The following SYNPO2 variants were observed in gnomAD, a reference collection of about 807,000 sequenced individuals.
SYNPO2 encodes synaptopodin-2.
Under a neutral mutation model 85.0 loss-of-function variants are expected in SYNPO2, and 56 were observed. The observed-to-expected ratio is 0.66, with a 90% CI of 0.53 to 0.82. SYNPO2 has a LOEUF of 0.82. SYNPO2 is among the 40% of genes least tolerant of loss of function. SYNPO2 has a pLI of 0.00. For missense variants in SYNPO2, 1,575 were observed against 1,534.2 expected (o/e 1.03, Z -0.44); for synonymous variants, 602 against 591.1 (o/e 1.02, Z -0.27).
intron 1 of SYNPO2, among the ~76,000 whole-genome samples, chr4:118,869,748 A>C (rs1731769302): frequency 6.6e-6 from 1 of 152,226 alleles, no homozygotes; most frequent in Non-Finnish European, 1.5e-5. Flanking sequence ...ATTTGTCAGC[A>C]AATATTTTTG....
intron 1 of SYNPO2, among the ~76,000 whole-genome samples, chr4:118,958,138 T>C (rs1232033981): frequency 1.3e-5 from 2 of 151,796 alleles, no homozygotes; most frequent in African/African-American, 2.4e-5. Context: ...GGGACTTTAC[T>C]CTTAGCATTT....
At chr4:118,876,717 CTT>C (rs763295712) in intron 1 of SYNPO2, among the ~76,000 whole-genome samples, 1 of 119,606 alleles carries the variant, frequency 8.4e-6, no homozygotes, top group African/African-American at 3.1e-5. Flanking sequence ...TTCTTTCTTT[CTT>C]TCTTTCTTTC....
At chr4:119,036,799 T>C (rs1436266038) in intron 4 of SYNPO2, 1 of 1,013,288 alleles carries the variant, frequency 9.9e-7, no homozygotes, top group African/African-American at 1.7e-5. Context: ...TACCTGGCAC[T>C]TGGAAATCAC....
At chr4:119,012,643 G>C (rs1737366324) in intron 1 of SYNPO2, among the ~76,000 whole-genome samples, 1 of 152,082 alleles carries the variant, frequency 6.6e-6, no homozygotes, top group Non-Finnish European at 1.5e-5. Context: ...GTGAGAACAT[G>C]TGGTTTTGGT....
chr4:119,032,290 T>C, intron 4 of SYNPO2: 2 of 1,377,370 alleles, frequency 1.5e-6, no homozygotes, highest in Non-Finnish European at 1.9e-6. Flanking sequence ...CACCCCAAAA[T>C]AGACATGTAC....
intron 1 of SYNPO2, among the ~76,000 whole-genome samples, chr4:119,005,151 C>T (rs531042441): frequency 1.4e-4 from 21 of 152,210 alleles, no homozygotes; most frequent in African/African-American, 3.1e-4. Flanking sequence ...GAGTAGATTG[C>T]GAAAATTTTC....
chr4:119,033,736 G>C, intron 4 of SYNPO2: 1 of 984,834 alleles, frequency 1.0e-6, no homozygotes, highest in Non-Finnish European at 1.2e-6. Context: ...TCCTTTATCT[G>C]TTCAATGTCC....
chr4:118,965,739 T>C (rs1462167755), intron 1 of SYNPO2, among the ~76,000 whole-genome samples: 1 of 152,088 alleles, frequency 6.6e-6, no homozygotes, highest in Admixed American at 6.5e-5. Flanking sequence ...ATGGCACAGG[T>C]CCTGTCCTCA....
At chr4:118,921,493 A>C (rs1332895510) in intron 1 of SYNPO2, among the ~76,000 whole-genome samples, 2 of 152,026 alleles carry the variant, frequency 1.3e-5, no homozygotes, top group Admixed American at 1.3e-4. Flanking sequence ...TGTGCCTATA[A>C]TTTTATCTAC....
At chr4:118,917,874 A>T (rs1396449883) in intron 1 of SYNPO2, among the ~76,000 whole-genome samples, 6 of 152,220 alleles carry the variant, frequency 3.9e-5, no homozygotes, top group African/African-American at 1.2e-4. Context: ...ATGTAAGGAG[A>T]ATAACATGAT....
At chr4:118,891,566 T>C (rs1348608404) in intron 1 of SYNPO2, among the ~76,000 whole-genome samples, 1 of 152,270 alleles carries the variant, frequency 6.6e-6, no homozygotes, top group Non-Finnish European at 1.5e-5. Context: ...TATCACTTTC[T>C]CTGTTATCAA....
At chr4:118,975,796 T>C (rs1022065433) in intron 1 of SYNPO2, among the ~76,000 whole-genome samples, 2 of 152,166 alleles carry the variant, frequency 1.3e-5, no homozygotes, top group Non-Finnish European at 2.9e-5. Flanking sequence ...GGGCTAAGAA[T>C]ATGTGCTCCA....
intron 1 of SYNPO2, among the ~76,000 whole-genome samples, chr4:118,897,380 A>G (rs958388488): frequency 4.6e-5 from 7 of 152,146 alleles, no homozygotes; most frequent in Non-Finnish European, 7.4e-5. Context: ...AACCATATCA[A>G]TATTTTATGT....
intron 1 of SYNPO2, among the ~76,000 whole-genome samples, chr4:118,879,354 C>G (rs186784002): frequency 1.9e-4 from 29 of 152,230 alleles, no homozygotes; most frequent in Admixed American, 4.6e-4. Flanking sequence ...TTTTGTCTCC[C>G]CTGAAATTCA....
At chr4:118,936,246 C>T (rs1327499191) in intron 1 of SYNPO2, among the ~76,000 whole-genome samples, 1 of 152,090 alleles carries the variant, frequency 6.6e-6, no homozygotes, top group Non-Finnish European at 1.5e-5. Context: ...CTCTGATGTT[C>T]GCCTAAGGGT....
intron 2 of SYNPO2, among the ~76,000 whole-genome samples, chr4:119,026,217 T>C (rs1460163043): frequency 6.6e-6 from 1 of 152,226 alleles, no homozygotes; most frequent in African/African-American, 2.4e-5. Context: ...AGGTGCTGGA[T>C]ATGTTTATGT....
intron 1 of SYNPO2, among the ~76,000 whole-genome samples, chr4:118,918,251 GA>G (rs2149127187): frequency 6.6e-6 from 1 of 152,124 alleles, no homozygotes; most frequent in Admixed American, 6.5e-5. Flanking sequence ...AATGTTTGCT[GA>G]AAAAAGTTAT....
chr4:119,011,320 G>A (rs1737293444), intron 1 of SYNPO2, among the ~76,000 whole-genome samples: 1 of 151,914 alleles, frequency 6.6e-6, no homozygotes, highest in Non-Finnish European at 1.5e-5. Flanking sequence ...TCCATAAATT[G>A]CAACCAAGCC....
At chr4:118,860,243 C>T (rs373198076) in intron 1 of SYNPO2, among the ~76,000 whole-genome samples, 3 of 152,078 alleles carry the variant, frequency 2.0e-5, no homozygotes, top group East Asian at 1.9e-4. Flanking sequence ...ACAACCCCCC[C>T]GCCACTTCAC....
Sources: gnomAD v4.1 joint callset for allele counts (sites outside exome capture counted in the v4.1 genomes callset) on GRCh38, gnomAD v4.1.1 for gene constraint, MANE v1.5 for transcripts, NCBI Gene and HGNC (gene_info 2026-07-23, HGNC 2026-07-21) for gene names.